Variants in ZDHHC20 observed in about 807,000 individuals in gnomAD.
ZDHHC20 encodes zDHHC palmitoyltransferase 20.
In ZDHHC20, 43 loss-of-function variants were observed where a neutral mutation model predicts 57.8. The ratio of observed to expected loss-of-function variants is 0.74; its 90% CI spans 0.58 to 0.96. The LOEUF (loss-of-function observed/expected upper bound fraction) is 0.96, where lower values mean the gene tolerates loss of function less well. ZDHHC20 is among the 40% of genes least tolerant of loss of function. The probability of loss-of-function intolerance (pLI) is 0.00; values close to 1 mark genes in which losing one functional copy is unlikely to be tolerated. For synonymous variants in ZDHHC20, 157 were observed against 153.0 expected, an observed-to-expected ratio of 1.03 and a Z score of -0.19; for missense variants, 391 against 441.1, an observed-to-expected ratio of 0.89 and a Z score of 1.02.
intron 1 of ZDHHC20, among the ~76,000 whole-genome samples, chr13:21,434,102 GTGTC>G (rs1310270249): frequency 6.6e-6 from 1 of 151,752 alleles, no homozygotes; most frequent in Non-Finnish European, 1.5e-5. Context: ...GTGTGTGTGT[GTGTC>G]TGTGTGTCTG....
intron 3 of ZDHHC20, among the ~76,000 whole-genome samples, chr13:21,414,399 C>A (rs1037756712): frequency 6.6e-6 from 1 of 150,576 alleles, no homozygotes; most frequent in East Asian, 1.9e-4. Flanking sequence ...CTTGCTCTGT[C>A]GCCCAGGCTA....
At chr13:21,388,411 G>A (rs1874996091) in intron 8 of ZDHHC20, among the ~76,000 whole-genome samples, 1 of 151,936 alleles carries the variant, frequency 6.6e-6, no homozygotes, top group Admixed American at 6.6e-5. Flanking sequence ...ATGGGAAGGA[G>A]TCTAGAAAAG....
chr13:21,393,193 T>C (rs9652072), intron 7 of ZDHHC20, among the ~76,000 whole-genome samples: 24 of 115,580 alleles, frequency 2.1e-4, no homozygotes, highest in African/African-American at 7.3e-4. Flanking sequence ...TTTTTTCTTT[T>C]TTTTTTTTTT....
intron 1 of ZDHHC20, among the ~76,000 whole-genome samples, chr13:21,450,758 T>G (rs76040671): frequency 1.1e-4 from 14 of 126,344 alleles, no homozygotes; most frequent in Non-Finnish European, 2.1e-4. Flanking sequence ...AAAAAGGTGG[T>G]TTTTTTTTTT....
chr13:21,416,010 G>A (rs1272443201), intron 3 of ZDHHC20, among the ~76,000 whole-genome samples: 2 of 151,886 alleles, frequency 1.3e-5, no homozygotes, highest in Non-Finnish European at 2.9e-5. Context: ...AGACCAGCCT[G>A]GCCAACATGA....
intron 8 of ZDHHC20, among the ~76,000 whole-genome samples, chr13:21,388,489 G>A (rs1875011921): frequency 6.6e-6 from 1 of 152,184 alleles, no homozygotes; most frequent in African/African-American, 2.4e-5. Flanking sequence ...GAAGGTGAGA[G>A]TGATGGGTGT....
In ZDHHC20 at chr13:21,425,034, A is replaced by G. The variant is rs374639546; in HGVS notation, c.145+618T>C. ...TTTTAGAAATCCTCTGGAGTTTTGT[A>G]TGCCCAATTAAATTTTGTTTAAATT... is the stretch of plus-strand genomic sequence containing the variant. On this transcript the variant is annotated intron_variant, in intron 2 of 12. Coordinates refer to ENST00000400590, the MANE Select transcript of ZDHHC20 (RefSeq NM_001330059.2). Among the ~76,000 whole-genome samples the G allele has an allele frequency of 3.9e-5, 6 of 152,332 alleles. No individual in the cohort carries two copies. The South Asian group carries it at 6.2e-4, about 16-fold the overall frequency.
At chr13:21,407,353 G>T (rs1878590053) in intron 4 of ZDHHC20, among the ~76,000 whole-genome samples, 1 of 152,126 alleles carries the variant, frequency 6.6e-6, no homozygotes, top group African/African-American at 2.4e-5. Flanking sequence ...TCTCATTGTG[G>T]TTTTGATTTG....
In ZDHHC20 at chr13:21,375,719, T is replaced by C. The variant is rs1871973835; in HGVS notation, c.*977A>G. On this transcript the variant is annotated 3_prime_UTR_variant, in exon 13 of 13. Transcript: ENST00000400590. ...ACTGTAAAAAGTTTCAAAGTAATTT[T>C]TAGTCATTACCTACACTGAAATTTG... is the stretch of plus-strand genomic sequence containing the variant. 6.6e-6 allele frequency: 1 copy of C among 152,278 alleles called. No individual in the cohort carries two copies. The highest frequency in any genetic ancestry group is 2.1e-4 in the South Asian group (1 of 4,838). The allele number at this position is 152,278 out of a possible 1,614,324, so 9.4% of individuals were successfully genotyped here.
intron 1 of ZDHHC20, among the ~76,000 whole-genome samples, chr13:21,433,203 T>A (rs1882175697): frequency 6.6e-6 from 1 of 152,160 alleles, no homozygotes; most frequent in Non-Finnish European, 1.5e-5. Context: ...TCAAGCAGTC[T>A]GTCTGTCTCA....
chr13:21,419,208 G>C (rs1306910645), intron 3 of ZDHHC20, among the ~76,000 whole-genome samples: 1 of 152,168 alleles, frequency 6.6e-6, no homozygotes, highest in Non-Finnish European at 1.5e-5. Context: ...AGTAACAAAT[G>C]CCTGATGAAT....
At chr13:21,420,773 T>C (rs775888316) in intron 3 of ZDHHC20, among the ~76,000 whole-genome samples, 10 of 152,260 alleles carry the variant, frequency 6.6e-5, no homozygotes, top group Non-Finnish European at 1.0e-4. Context: ...CGCAATTCTG[T>C]TCCTTGAGAC....
At chr13:21,423,855 A>G (rs893984731) in intron 2 of ZDHHC20, among the ~76,000 whole-genome samples, 3 of 151,974 alleles carry the variant, frequency 2.0e-5, no homozygotes, top group South Asian at 4.1e-4. Context: ...CTTCCTTCAT[A>G]AATAGTTTTG....
At chr13:21,428,770 G>GA (rs1184376660) in intron 1 of ZDHHC20, among the ~76,000 whole-genome samples, 1 of 151,902 alleles carries the variant, frequency 6.6e-6, no homozygotes, top group East Asian at 2.0e-4. Flanking sequence ...TGAGGCAGGA[G>GA]AATCGCCTGA....
At chr13:21,392,036 C>G (rs1019866179) in intron 7 of ZDHHC20, among the ~76,000 whole-genome samples, 182 bp from the exon 8 acceptor site, 2 of 152,038 alleles carry the variant, frequency 1.3e-5, no homozygotes, top group Non-Finnish European at 2.9e-5. Flanking sequence ...AAGCAACCTG[C>G]TTATCTAGGA....
chr13:21,457,515 T>G (rs75880364), intron 1 of ZDHHC20, among the ~76,000 whole-genome samples: 2,459 of 152,284 alleles, frequency 0.016, 67 homozygotes, highest in African/African-American at 0.055. Context: ...TAGTAAACAT[T>G]CTGGTATCCA....
At chr13:21,421,273 A>T (rs947822349) in intron 2 of ZDHHC20, 109 bp from the exon 3 acceptor site, 4 of 759,976 alleles carry the variant, frequency 5.3e-6, no homozygotes, top group Non-Finnish European at 8.9e-6. Context: ...ATAAACAATT[A>T]AATTAAAATG....
intron 6 of ZDHHC20, among the ~76,000 whole-genome samples, chr13:21,400,809 C>A (rs1157952401): frequency 1.3e-5 from 2 of 151,902 alleles, no homozygotes; most frequent in East Asian, 3.9e-4. Flanking sequence ...CTCCCAGGTT[C>A]ACGTGATTCT....
chr13:21,387,251 G>GA (rs920322956), intron 9 of ZDHHC20, among the ~76,000 whole-genome samples: 6 of 151,968 alleles, frequency 3.9e-5, no homozygotes, highest in Non-Finnish European at 7.4e-5. Context: ...GCATTTTGAA[G>GA]AAAAAATCTT....
Sources: gnomAD v4.1 joint callset for allele counts (sites outside exome capture counted in the v4.1 genomes callset) on GRCh38, gnomAD v4.1.1 for gene constraint, MANE v1.5 for transcripts, NCBI Gene and HGNC (gene_info 2026-07-23, HGNC 2026-07-21) for gene names.